PTDSS2: variants seen among roughly 807,000 people sequenced by gnomAD.
PTDSS2 encodes the protein phosphatidylserine synthase 2.
Under a neutral mutation model 64.7 loss-of-function variants are expected in PTDSS2, and 41 were observed. The observed-to-expected ratio is 0.63, with a 90% CI of 0.49 to 0.82. The LOEUF (loss-of-function observed/expected upper bound fraction) is 0.82. Among genes scored for constraint, PTDSS2 ranks in the 40% least tolerant of loss-of-function variants. The pLI, the probability that PTDSS2 is intolerant of heterozygous loss-of-function variation, is 0.00. For missense variants in PTDSS2, 485 were observed against 650.0 expected (o/e 0.75, Z 2.76); for synonymous variants, 297 against 277.8 (o/e 1.07, Z -0.69).
At chr11:475,018 G>A (rs868413579) in intron 3 of PTDSS2, among the ~76,000 whole-genome samples, 2,803 of 145,494 alleles carry the variant, frequency 0.019, 32 homozygotes, top group African/African-American at 0.063. Flanking sequence ...TGTGTGATAC[G>A]GACATATTCA....
intron 2 of PTDSS2, 40 bp from the exon 3 acceptor site, chr11:473,855 G>C (rs1164072220): frequency 6.7e-7 from 1 of 1,486,924 alleles, no homozygotes; most frequent in South Asian, 1.1e-5. Context: ...CCTGGGAGAA[G>C]CCTGCACACA....
chr11:459,335 GACACACTCC>G (rs1293036768), intron 1 of PTDSS2: 4 of 149,906 alleles, frequency 2.7e-5, no homozygotes, highest in African/African-American at 7.6e-5. Context: ...TAGACGTGAG[GACACACTCC>G]GGTGGATGTA....
Position 472,699 on chromosome 11 carries a change from C to T in PTDSS2, c.285-1196C>T, listed in dbSNP as rs553680541. Among the ~76,000 whole-genome samples, 11 of 152,326 alleles carry T rather than the reference C, an allele frequency of 7.2e-5. No homozygotes were observed. In the South Asian group the frequency reaches 2.1e-3, roughly 29 times the overall value. On this transcript the variant is annotated intron_variant, in intron 2 of 11. Coordinates refer to ENST00000308020, the MANE Select transcript of PTDSS2 (RefSeq NM_030783.3). ...CTACTCAGGACTTTGAGGCCAGGCA[C>T]TCCTGCAGGCAGAGAGGGGAATTTC...
intron 2 of PTDSS2, among the ~76,000 whole-genome samples, chr11:472,119 G>A (rs1056173213): frequency 2.0e-5 from 3 of 152,080 alleles, no homozygotes; most frequent in Non-Finnish European, 2.9e-5. Flanking sequence ...CGCGGATGGC[G>A]GCCTGGGGTG....
intron 1 of PTDSS2, among the ~76,000 whole-genome samples, chr11:455,444 C>G (rs1846541956): frequency 6.6e-6 from 1 of 152,182 alleles, no homozygotes; most frequent in African/African-American, 2.4e-5. Context: ...CCCGTGCACA[C>G]CACACCCTGT....
In PTDSS2 at chr11:479,448, G is replaced by A. The variant is rs958248268; in HGVS notation, c.435+296G>A. 4.0e-6 allele frequency: 2 copies of A among 500,678 alleles called. No individual in the cohort carries two copies. Among genetic ancestry groups the A allele is most frequent in the Non-Finnish European group, 7.3e-6 (2 of 275,178 alleles). 31.0% of individuals were successfully genotyped at this position (500,678 alleles called of 1,614,324 possible). A position where few individuals can be genotyped will look rare whatever the true frequency, so the allele number is the denominator to read the frequency against. ...ATTTAGCAGGGCCACACTTAAGGAG[G>A]GCAGGGCCAGTGGTGCAGGCACAGA... On this transcript the variant is annotated intron_variant, in intron 4 of 11. Transcript: ENST00000308020. This position sits in a 1 kb window ranked among gnomAD's most constrained non-coding sequence, Gnocchi z 4.2.
At chr11:451,210 C>G (rs183837224) in intron 1 of PTDSS2, 1 of 249,336 alleles carries the variant, frequency 4.0e-6, no homozygotes, top group African/African-American at 2.3e-5. Context: ...CTCAGTTGCC[C>G]CTAGCGGGGC....
chr11:455,053 A>T (rs1846522976), intron 1 of PTDSS2, among the ~76,000 whole-genome samples: 1 of 152,026 alleles, frequency 6.6e-6, no homozygotes, highest in Non-Finnish European at 1.5e-5. Flanking sequence ...GAGTGGTGGC[A>T]TTCTGGGTGT....
At chr11:466,006 GA>G (rs1186413671) in intron 2 of PTDSS2, among the ~76,000 whole-genome samples, 2 of 152,172 alleles carry the variant, frequency 1.3e-5, no homozygotes, top group Non-Finnish European at 2.9e-5. Context: ...ACAAGCTGTT[GA>G]AAATGTTTAC....
At chr11:467,942 G>C (rs1194495855) in intron 2 of PTDSS2, among the ~76,000 whole-genome samples, 1 of 152,154 alleles carries the variant, frequency 6.6e-6, no homozygotes. Context: ...TTCAAGACCA[G>C]CCTGGGCAAC....
intron 1 of PTDSS2, chr11:451,412 A>G: frequency 2.2e-6 from 1 of 448,708 alleles, no homozygotes; most frequent in South Asian, 1.6e-5. Context: ...CCCTTTGCCG[A>G]TGCTCCTCTG....
chr11:467,067 C>T (rs1031923287), intron 2 of PTDSS2, among the ~76,000 whole-genome samples: 1 of 151,874 alleles, frequency 6.6e-6, no homozygotes, highest in African/African-American at 2.4e-5. Flanking sequence ...AAACACAAAC[C>T]TGGGTGACAC....
chr11:458,022 C>T (rs1448826289), intron 1 of PTDSS2, among the ~76,000 whole-genome samples: 1 of 152,120 alleles, frequency 6.6e-6, no homozygotes, highest in Non-Finnish European at 1.5e-5. Context: ...CGGATGTGTA[C>T]TGATGTGTCC....
intron 7 of PTDSS2, 93 bp from the exon 8 acceptor site, chr11:488,436 G>T: frequency 1.5e-6 from 2 of 1,338,670 alleles, no homozygotes; most frequent in East Asian, 4.6e-5. Context: ...GCAGGCTGAG[G>T]GGCATTCTCG....
Position 487,012 on chromosome 11 carries a change from A to G in PTDSS2, c.509A>G (p.Tyr170Cys). The change falls in exon 5 of 12, where the codon TAC (tyrosine) becomes TGC (cysteine). Residue 170 changes from tyrosine (Y) to cysteine (C), a missense_variant. Tyr to Cys is a radical substitution (Grantham distance 194). Around this residue, in one of 3 missense-constraint regions of PTDSS2, gnomAD observed 251 missense variants for 348.0 expected, o/e 0.72. Transcript: ENST00000308020. The part of the protein sequence containing the change: ...KLGVPLPERD[Y>C]GGNCLIYDPD... Reference sequence around the variant, plus strand: ...GGAGTCCCACTGCCAGAGAGAGACTACGGGGGAAACTGCCTCATCTACGAC... The same window carrying G: ...GGAGTCCCACTGCCAGAGAGAGACTGCGGGGGAAACTGCCTCATCTACGAC... The G allele has an allele frequency of 1.9e-6, 3 of 1,613,586 alleles. No homozygotes were observed. The highest frequency in any genetic ancestry group is 2.5e-6 in the Non-Finnish European group (3 of 1,179,980).
rs1037801340 is a variant in PTDSS2 at position 490,918 on chromosome 11, C to T, written c.*336C>T. The T allele has an allele frequency of 3.7e-5, 12 of 320,418 alleles. 1 individual carries two copies. Among genetic ancestry groups the T allele is most frequent in the Non-Finnish European group, 7.0e-5 (12 of 172,654 alleles). The allele number at this position is 320,418 out of a possible 1,614,324, so 19.8% of individuals were successfully genotyped here. On this transcript the variant is annotated 3_prime_UTR_variant, in exon 12 of 12. Transcript: ENST00000308020. Reference sequence around the variant, plus strand: ...GGCGTGGCAAGGGCATGCTCTGGGGCAGTGTGTCCCTCAGGAACCAGGGTC... The same window carrying T: ...GGCGTGGCAAGGGCATGCTCTGGGGTAGTGTGTCCCTCAGGAACCAGGGTC...
At chr11:450,223 C>A (rs1846250517), upstream of PTDSS2, 2 of 366,180 alleles carry the variant, frequency 5.5e-6, no homozygotes, top group South Asian at 2.9e-4. Context: ...GCACTGCGTC[C>A]AACCCGCGAC....
chr11:487,228 C>T (rs943234950), intron 5 of PTDSS2, 155 bp downstream of exon 5: 3 of 979,208 alleles, frequency 3.1e-6, no homozygotes, highest in African/African-American at 3.2e-5. Context: ...GGATGGTGCT[C>T]ATGGTGGGCA....
intron 3 of PTDSS2, among the ~76,000 whole-genome samples, chr11:477,898 G>T (rs1590661788): frequency 6.6e-6 from 1 of 152,326 alleles, no homozygotes; most frequent in East Asian, 1.9e-4. Context: ...CGTCTGTCTT[G>T]GGTCCCAGAC....
Sources: gnomAD v4.1 joint callset for allele counts (sites outside exome capture counted in the v4.1 genomes callset) on GRCh38, gnomAD v4.1.1 for gene constraint, gnomAD v4.1.1 regional missense constraint, Gnocchi (gnomAD v3.1) non-coding constraint, MANE v1.5 for transcripts, NCBI Gene and HGNC (gene_info 2026-07-23, HGNC 2026-07-21) for gene names.